CDH13: variants seen among roughly 807,000 people sequenced by gnomAD.
CDH13 encodes the protein cadherin-13.
A neutral mutation model predicts 63.8 loss-of-function variants in CDH13; 24 were observed. The ratio of observed to expected loss-of-function variants is 0.38; its 90% CI spans 0.27 to 0.53. The LOEUF (loss-of-function observed/expected upper bound fraction) is 0.53, where lower values mean the gene tolerates loss of function less well. Ranked by LOEUF, CDH13 falls within the 20% of genes least tolerant of loss-of-function variation. The pLI is 0.85. For missense variants in CDH13, 1,049 were observed against 903.1 expected, an observed-to-expected ratio of 1.16 and a Z score of -2.07; for synonymous variants, 503 against 355.3, an observed-to-expected ratio of 1.42 and a Z score of -4.67.
intron 6 of CDH13, among the ~76,000 whole-genome samples, chr16:83,465,911 G>C (rs765076162): frequency 6.6e-6 from 1 of 152,192 alleles, no homozygotes; most frequent in Non-Finnish European, 1.5e-5. Flanking sequence ...TCTTTACCCT[G>C]CTGGAATCAC....
chr16:82,708,540 G>T (rs936185751), intron 1 of CDH13, among the ~76,000 whole-genome samples: 9 of 152,064 alleles, frequency 5.9e-5, no homozygotes, highest in African/African-American at 2.2e-4. Context: ...TCCTATCTTG[G>T]ATCTGGCCCC....
At position 83,679,174 on chromosome 16, in the gene CDH13, C is replaced by T. The variant is rs1915201115; in HGVS notation, c.1538+713C>T. On this transcript the variant is annotated intron_variant, in intron 10 of 13. Transcript: ENST00000567109. The stretch of plus-strand genomic sequence containing the variant: ...CCAGTGCTTAGATAGAAAGCATTTT[C>T]GTAATGAGATTTAATTAAATGGTCG... Among the ~76,000 whole-genome samples, 3 of 152,278 alleles carry T rather than the reference C, an allele frequency of 2.0e-5. 1 individual carries two copies. In the South Asian group the frequency reaches 6.2e-4, roughly 32 times the overall value.
chr16:83,443,780 C>CAATGATGATGATGATAATGAT (rs2072572174), intron 6 of CDH13, among the ~76,000 whole-genome samples: 1 of 133,748 alleles, frequency 7.5e-6, no homozygotes, highest in African/African-American at 2.9e-5. Flanking sequence ...AAAGAGAGAG[C>CAATGATGATGATGATAATGAT]GAGAGCAAGC....
At chr16:82,827,829 A>G (rs2038326925) in intron 1 of CDH13, among the ~76,000 whole-genome samples, 1 of 152,156 alleles carries the variant, frequency 6.6e-6, no homozygotes, top group African/African-American at 2.4e-5. Context: ...ATGGTGTAGG[A>G]TGGTCAGATG....
intron 7 of CDH13, among the ~76,000 whole-genome samples, chr16:83,517,622 G>A (rs1240120944): frequency 2.0e-5 from 3 of 152,198 alleles, no homozygotes; most frequent in East Asian, 3.9e-4. Flanking sequence ...GAGGGAACAC[G>A]TGGGCAATCA....
At chr16:83,101,678 C>T (rs1296091059) in intron 3 of CDH13, among the ~76,000 whole-genome samples, 1 of 152,142 alleles carries the variant, frequency 6.6e-6, no homozygotes, top group Admixed American at 6.5e-5. Context: ...CATGTCATCC[C>T]AGCTACTGAG....
At chr16:83,313,257 T>C (rs75805265) in intron 5 of CDH13, among the ~76,000 whole-genome samples, 3 of 152,208 alleles carry the variant, frequency 2.0e-5, no homozygotes, top group Admixed American at 2.0e-4. Context: ...TTCACAGCCA[T>C]TGATATTTTG....
chr16:83,483,919 T>C (rs915283028), intron 6 of CDH13, among the ~76,000 whole-genome samples: 1 of 152,222 alleles, frequency 6.6e-6, no homozygotes, highest in Non-Finnish European at 1.5e-5. Context: ...ATGCTGTTCC[T>C]GCTGTCTTCC....
chr16:83,238,118 A>C (rs1228138379), intron 5 of CDH13, among the ~76,000 whole-genome samples: 2 of 151,488 alleles, frequency 1.3e-5, no homozygotes, highest in Non-Finnish European at 2.9e-5. Context: ...CCTTTTTCCT[A>C]CAAGTTCGTC....
At chr16:83,318,311 TCACTC>T (rs1162124623) in intron 5 of CDH13, among the ~76,000 whole-genome samples, 5 of 152,226 alleles carry the variant, frequency 3.3e-5, no homozygotes, top group African/African-American at 9.6e-5. Flanking sequence ...TTAAATCTAA[TCACTC>T]CATTTTCTTG....
chr16:82,801,150 C>T (rs747526443), intron 1 of CDH13, among the ~76,000 whole-genome samples: 9 of 152,166 alleles, frequency 5.9e-5, no homozygotes, highest in Non-Finnish European at 1.3e-4. Flanking sequence ...TCCCACTTGG[C>T]TTCCTAACCT....
At chr16:82,833,643 A>G (rs766045578) in intron 1 of CDH13, among the ~76,000 whole-genome samples, 2 of 152,142 alleles carry the variant, frequency 1.3e-5, no homozygotes, top group Admixed American at 6.5e-5. Flanking sequence ...CTGTTCTTCC[A>G]TCTGTCCAGG....
chr16:83,367,017 A>T (rs2091270135), intron 6 of CDH13, among the ~76,000 whole-genome samples: 1 of 152,108 alleles, frequency 6.6e-6, no homozygotes, highest in Non-Finnish European at 1.5e-5. Flanking sequence ...TATATAATTC[A>T]ATGTTTTTTG....
intron 1 of CDH13, among the ~76,000 whole-genome samples, chr16:82,841,296 C>G (rs1238017298): frequency 6.6e-6 from 1 of 152,218 alleles, no homozygotes; most frequent in African/African-American, 2.4e-5. Flanking sequence ...TTTGCAGCCT[C>G]TCTGTTAGTG....
At chr16:83,475,963 T>C (rs922908320) in intron 6 of CDH13, among the ~76,000 whole-genome samples, 2 of 152,312 alleles carry the variant, frequency 1.3e-5, no homozygotes, top group Admixed American at 1.3e-4. Context: ...AATAAGCCCA[T>C]TGTTCAGAAT....
intron 6 of CDH13, among the ~76,000 whole-genome samples, chr16:83,433,694 C>T (rs767929949): frequency 8.5e-5 from 13 of 152,072 alleles, no homozygotes; most frequent in East Asian, 1.9e-4. Flanking sequence ...TGTGTGGACC[C>T]GGTGACAAAT....
chr16:83,210,711 C>A (rs776705997), intron 4 of CDH13, among the ~76,000 whole-genome samples: 12 of 151,574 alleles, frequency 7.9e-5, no homozygotes, highest in Admixed American at 2.0e-4. Context: ...AATTCATTTT[C>A]TATACAAGGA....
chr16:83,616,352 A>C (rs186425377), intron 8 of CDH13, among the ~76,000 whole-genome samples: 97 of 152,304 alleles, frequency 6.4e-4, no homozygotes, highest in Middle Eastern at 3.4e-3. Flanking sequence ...ACTCTTTCAT[A>C]ATTATATTCG....
chr16:83,515,288 C>G (rs1439071453), intron 7 of CDH13, among the ~76,000 whole-genome samples: 1 of 152,192 alleles, frequency 6.6e-6, no homozygotes, highest in African/African-American at 2.4e-5. Flanking sequence ...AGCTTTGAAA[C>G]CACCACTACA....
Sources: gnomAD v4.1 joint callset for allele counts (sites outside exome capture counted in the v4.1 genomes callset) on GRCh38, gnomAD v4.1.1 for gene constraint, MANE v1.5 for transcripts, NCBI Gene and HGNC (gene_info 2026-07-23, HGNC 2026-07-21) for gene names.